CCDC178: variants seen among roughly 807,000 people sequenced by gnomAD.
The protein encoded by CCDC178 is coiled-coil domain containing 178, also known as coiled-coil domain-containing protein 178.
CCDC178 carries 126 observed loss-of-function variants against 117.4 expected under a neutral mutation model. That is an observed-to-expected ratio of 1.07 (90% CI 0.93 to 1.24). CCDC178 has a LOEUF of 1.24. CCDC178 is among the 50% of genes most tolerant of loss of function. CCDC178 has a pLI of 0.00. For synonymous variants in CCDC178, 283 were observed against 313.4 expected (o/e 0.90, Z 1.02); for missense variants, 1,030 against 986.9 (o/e 1.04, Z -0.59).
chr18:33,092,730 A>C, intron 21 of CCDC178, 31 bp downstream of exon 21: 17 of 1,484,536 alleles, frequency 1.1e-5, no homozygotes, highest in Non-Finnish European at 1.6e-5. Flanking sequence ...GACATAAATC[A>C]TCACCTTAAA....
chr18:33,306,392 AGGTAACAGCTATT>A (rs1374807796), intron 11 of CCDC178, among the ~76,000 whole-genome samples: 2 of 146,728 alleles, frequency 1.4e-5, no homozygotes, highest in Non-Finnish European at 3.0e-5. Context: ...CAAAAGTCCA[AGGTAACAGCTATT>A]GGATCTTTGT....
At chr18:33,341,228 CT>C (rs976660597) in intron 9 of CCDC178, among the ~76,000 whole-genome samples, 2 of 152,264 alleles carry the variant, frequency 1.3e-5, no homozygotes, top group African/African-American at 4.8e-5. Flanking sequence ...CCCTGTAACC[CT>C]TTTGTTTTGG....
intron 18 of CCDC178, 75 bp from the exon 19 acceptor site, chr18:33,215,770 A>G (rs1391650847): frequency 1.8e-6 from 2 of 1,140,614 alleles, no homozygotes; most frequent in Non-Finnish European, 2.4e-6. Flanking sequence ...GAACACAATT[A>G]CATTGGCTGT....
intron 4 of CCDC178, among the ~76,000 whole-genome samples, chr18:33,393,577 G>A (rs1250714528): frequency 2.0e-5 from 3 of 152,020 alleles, no homozygotes; most frequent in Non-Finnish European, 2.9e-5. Context: ...TTGCAATAAT[G>A]AAATTAAATG....
chr18:33,120,079 A>G (rs1371868248), intron 20 of CCDC178, among the ~76,000 whole-genome samples: 1 of 152,118 alleles, frequency 6.6e-6, no homozygotes, highest in East Asian at 1.9e-4. Context: ...AGATATACCT[A>G]ATGTAAATGA....
chr18:33,411,224 C>T (rs2144895759), intron 3 of CCDC178, among the ~76,000 whole-genome samples: 1 of 152,240 alleles, frequency 6.6e-6, no homozygotes, highest in South Asian at 2.1e-4. Context: ...CAAAGACTAC[C>T]TATTGTTCTC....
chr18:33,310,029 C>T (rs368697709), intron 11 of CCDC178, among the ~76,000 whole-genome samples: 31 of 151,176 alleles, frequency 2.1e-4, no homozygotes, highest in African/African-American at 6.8e-4. Flanking sequence ...AGTGCAGTGG[C>T]GCCATCTTGG....
intron 3 of CCDC178, among the ~76,000 whole-genome samples, chr18:33,410,980 C>T (rs765085608): frequency 3.9e-5 from 6 of 152,070 alleles, no homozygotes; most frequent in Non-Finnish European, 5.9e-5. Context: ...CAGCCAAGAC[C>T]CTAGACCTGT....
chr18:32,957,014 G>A lies in CCDC178; in HGVS notation c.2523+17533C>T, dbSNP rs12456344. Among the ~76,000 whole-genome samples the A allele has an allele frequency of 8.8e-3, 1,343 of 152,184 alleles. 60 individuals are homozygous for A. Among genetic ancestry groups the A allele is most frequent in the Admixed American group, 0.073 (1,121 of 15,264 alleles). Reference sequence around the variant, plus strand: ...AGATGAAATAAGAGAAAAAGAAGCCGTTTTGATACAGTAAAGATAACATTT... The same window carrying A: ...AGATGAAATAAGAGAAAAAGAAGCCATTTTGATACAGTAAAGATAACATTT... On this transcript the variant is annotated intron_variant, in intron 22 of 22. Coordinates refer to ENST00000383096, the MANE Select transcript of CCDC178 (RefSeq NM_001105528.4).
At chr18:33,075,122 G>A (rs952117570) in intron 21 of CCDC178, among the ~76,000 whole-genome samples, 6 of 152,158 alleles carry the variant, frequency 3.9e-5, no homozygotes, top group Non-Finnish European at 7.3e-5. Flanking sequence ...TGGAGTAGAT[G>A]CAGGTACTTT....
At chr18:33,073,731 G>A (rs548078454) in intron 21 of CCDC178, among the ~76,000 whole-genome samples, 6 of 152,176 alleles carry the variant, frequency 3.9e-5, no homozygotes, top group African/African-American at 1.4e-4. Flanking sequence ...CTGTGAATTA[G>A]ATAATAAGTT....
intron 21 of CCDC178, among the ~76,000 whole-genome samples, chr18:33,032,240 T>C (rs2056358142): frequency 6.6e-6 from 1 of 152,144 alleles, no homozygotes; most frequent in African/African-American, 2.4e-5. Flanking sequence ...TTGTTTTGTT[T>C]TGGCTAGTCC....
intron 19 of CCDC178, among the ~76,000 whole-genome samples, chr18:33,212,676 A>AT (rs1311999077): frequency 6.6e-6 from 1 of 151,836 alleles, no homozygotes; most frequent in Non-Finnish European, 1.5e-5. Context: ...AAGATGATAG[A>AT]TTTTTTTATT....
At chr18:33,393,643 A>G (rs924959072) in intron 4 of CCDC178, among the ~76,000 whole-genome samples, 1 of 152,118 alleles carries the variant, frequency 6.6e-6, no homozygotes, top group African/African-American at 2.4e-5. Context: ...AGATTCACCA[A>G]TGCTACTCCA....
At chr18:33,104,218 A>G (rs926208440) in intron 20 of CCDC178, among the ~76,000 whole-genome samples, 1 of 151,642 alleles carries the variant, frequency 6.6e-6, no homozygotes, top group South Asian at 2.1e-4. Flanking sequence ...GGCTTAATAG[A>G]AAACCTCTAA....
intron 2 of CCDC178, among the ~76,000 whole-genome samples, chr18:33,432,217 A>C (rs1361515159): frequency 6.6e-6 from 1 of 152,122 alleles, no homozygotes. Flanking sequence ...AGATTGTCTG[A>C]GGGTAAATTT....
chr18:33,329,334 G>C (rs2062632023), intron 10 of CCDC178, among the ~76,000 whole-genome samples: 1 of 152,128 alleles, frequency 6.6e-6, no homozygotes, highest in African/African-American at 2.4e-5. Flanking sequence ...ATGTCAAATA[G>C]AAGTAGTAAA....
chr18:33,314,014 A>C (rs1477904965), intron 11 of CCDC178, among the ~76,000 whole-genome samples: 1 of 150,528 alleles, frequency 6.6e-6, no homozygotes, highest in East Asian at 2.0e-4. Context: ...TCCCGGCTAA[A>C]ACGGTGAAAT....
intron 5 of CCDC178, among the ~76,000 whole-genome samples, chr18:33,382,305 A>C (rs2063446912): frequency 6.6e-6 from 1 of 152,162 alleles, no homozygotes; most frequent in East Asian, 1.9e-4. Context: ...AGTGTTAGAA[A>C]CACTTTCAGA....
Sources: allele counts gnomAD v4.1 joint callset (sites outside exome capture counted in the v4.1 genomes callset), GRCh38; gene constraint gnomAD v4.1.1; transcripts MANE v1.5; gene names NCBI Gene and HGNC (gene_info 2026-07-23, HGNC 2026-07-21).